Variants in CDK17 observed in about 807,000 individuals in gnomAD.
The protein encoded by CDK17 is cyclin dependent kinase 17, also known as cyclin-dependent kinase 17.
In CDK17, 24 loss-of-function variants were observed where a neutral mutation model predicts 77.6. The ratio of observed to expected loss-of-function variants is 0.31; its 90% CI spans 0.22 to 0.44. CDK17 has a LOEUF of 0.44. Ranked by LOEUF, CDK17 falls within the 20% of genes least tolerant of loss-of-function variation. The pLI is 1.00. For synonymous variants in CDK17, 203 were observed against 210.4 expected, an observed-to-expected ratio of 0.96 and a Z score of 0.30; for missense variants, 429 against 622.5, an observed-to-expected ratio of 0.69 and a Z score of 3.31.
chr12:96,305,437 T>C (rs767815881), intron 5 of CDK17, among the ~76,000 whole-genome samples: 1 of 152,236 alleles, frequency 6.6e-6, no homozygotes, highest in Non-Finnish European at 1.5e-5. Context: ...GGGTATGTGG[T>C]ATAGAAGAAC....
chr12:96,329,605 T>A (rs1952939180), intron 2 of CDK17, among the ~76,000 whole-genome samples: 1 of 152,220 alleles, frequency 6.6e-6, no homozygotes, highest in African/African-American at 2.4e-5. Flanking sequence ...CCTACATATA[T>A]CCAATGGAGT....
At chr12:96,316,148 C>T (rs972863239) in intron 3 of CDK17, among the ~76,000 whole-genome samples, 3 of 152,098 alleles carry the variant, frequency 2.0e-5, no homozygotes, top group African/African-American at 7.2e-5. Flanking sequence ...ACCTGGGAAG[C>T]GCAAGGGGTC....
At chr12:96,393,897 G>A (rs1954118853) in intron 1 of CDK17, among the ~76,000 whole-genome samples, 1 of 152,064 alleles carries the variant, frequency 6.6e-6, no homozygotes, top group Non-Finnish European at 1.5e-5. Flanking sequence ...CTAATTTAAA[G>A]AAGAGCAAGT....
chr12:96,383,725 C>T (rs948998905), intron 1 of CDK17, among the ~76,000 whole-genome samples: 2 of 152,078 alleles, frequency 1.3e-5, no homozygotes, highest in Admixed American at 1.3e-4. Flanking sequence ...TAGGCATACA[C>T]AGAAGAATGA....
In CDK17 at chr12:96,337,273, T is replaced by C. The variant is rs563445919; in HGVS notation, c.-29-2408A>G. Reference sequence around the variant, plus strand: ...CTCCATTCAACTTCCTCAGTCGTTTTTTGCTCATCTCTTATGCCTTGCTCA... The same window carrying C: ...CTCCATTCAACTTCCTCAGTCGTTTCTTGCTCATCTCTTATGCCTTGCTCA... On this transcript the variant is annotated intron_variant, in intron 1 of 16. Transcript: ENST00000261211. 2.0e-5 allele frequency among the ~76,000 whole-genome samples: 3 copies of C among 152,026 alleles called. No individual in the cohort carries two copies. In the East Asian group the frequency reaches 5.8e-4, roughly 29 times the overall value.
intron 2 of CDK17, 151 bp downstream of exon 2, chr12:96,334,568 G>C (rs1237154719): frequency 1.6e-5 from 9 of 557,578 alleles, no homozygotes; most frequent in African/African-American, 1.5e-4. Flanking sequence ...CCAAACAAAA[G>C]TTATATAGTC....
chr12:96,342,371 C>A (rs941578493), intron 1 of CDK17, among the ~76,000 whole-genome samples: 9 of 152,126 alleles, frequency 5.9e-5, no homozygotes, highest in Non-Finnish European at 1.3e-4. Context: ...TCATTAGAGA[C>A]AATGTTGTTA....
intron 1 of CDK17, among the ~76,000 whole-genome samples, chr12:96,347,987 G>A (rs1184889480): frequency 6.6e-6 from 1 of 151,962 alleles, no homozygotes; most frequent in African/African-American, 2.4e-5. Flanking sequence ...ATATAAAAAA[G>A]ACCCTCATGC....
At position 96,359,867 on chromosome 12, in the gene CDK17, G is replaced by A. The variant is rs530076034; in HGVS notation, c.-29-25002C>T. On this transcript the variant is annotated intron_variant, in intron 1 of 16. Transcript: ENST00000261211. ...TTGATAAGTACATAGAAATTTCAAA[G>A]AAATATTTACTTTTTCCTCTAAAAA... Among the ~76,000 whole-genome samples the A allele has an allele frequency of 3.9e-5, 6 of 152,160 alleles. No homozygotes were observed. In the East Asian group the frequency reaches 1.2e-3, roughly 29 times the overall value.
chr12:96,342,356 T>A (rs1198335556), intron 1 of CDK17, among the ~76,000 whole-genome samples: 1 of 152,234 alleles, frequency 6.6e-6, no homozygotes, highest in Non-Finnish European at 1.5e-5. Context: ...AAACTTAAAC[T>A]TTTTTCATTA....
chr12:96,292,472 G>A (rs1952338516), intron 10 of CDK17, among the ~76,000 whole-genome samples: 1 of 152,012 alleles, frequency 6.6e-6, no homozygotes, highest in Non-Finnish European at 1.5e-5. Flanking sequence ...TGGGCGTGGT[G>A]GGCACCCCTG....
intron 2 of CDK17, among the ~76,000 whole-genome samples, chr12:96,328,753 T>C (rs1386055796): frequency 6.6e-6 from 1 of 152,152 alleles, no homozygotes; most frequent in African/African-American, 2.4e-5. Flanking sequence ...CATTTAAATA[T>C]GAATCTAGAG....
intron 13 of CDK17, chr12:96,285,787 G>C (rs1041548860): frequency 9.0e-6 from 2 of 222,958 alleles, no homozygotes; most frequent in African/African-American, 2.3e-5. Flanking sequence ...TAATTCTGTA[G>C]AAAGCAAAAC....
chr12:96,349,213 G>C (rs1953273618), intron 1 of CDK17, among the ~76,000 whole-genome samples: 1 of 152,114 alleles, frequency 6.6e-6, no homozygotes, highest in African/African-American at 2.4e-5. Flanking sequence ...CAGAACTTTG[G>C]GAGGCTAAGG....
intron 3 of CDK17, among the ~76,000 whole-genome samples, chr12:96,317,449 G>GCCA (rs1236458977): frequency 8.8e-6 from 1 of 113,624 alleles, no homozygotes; most frequent in Non-Finnish European, 1.8e-5. Flanking sequence ...TACAGAGAAT[G>GCCA]CCACAAAGAT....
chr12:96,284,990 CCTGTGGATGCTGCAGT>C (rs1952228764), intron 13 of CDK17, among the ~76,000 whole-genome samples: 1 of 152,122 alleles, frequency 6.6e-6, no homozygotes, highest in Admixed American at 6.6e-5. Context: ...TCAAGTGGGT[CCTGTGGATGCTGCAGT>C]CTAGACATTC....
intron 5 of CDK17, among the ~76,000 whole-genome samples, chr12:96,305,086 GGGCAAGGAAGCT>G (rs1952560686): frequency 6.6e-6 from 1 of 152,190 alleles, no homozygotes; most frequent in African/African-American, 2.4e-5. Flanking sequence ...ATTATCGTAA[GGGCAAGGAAGCT>G]CTGATGAATC....
At chr12:96,348,531 AAAAAAAAAAAACAAAAAAG>A (rs1442079431) in intron 1 of CDK17, among the ~76,000 whole-genome samples, 4 of 151,152 alleles carry the variant, frequency 2.6e-5, no homozygotes, top group Non-Finnish European at 4.4e-5. Flanking sequence ...CTCAAAAAAA[AAAAAAAAAAAACAAAAAAG>A]AAAAAAAAAA....
chr12:96,285,601 TG>T (rs1952235577), intron 13 of CDK17: 1 of 152,454 alleles, frequency 6.6e-6, no homozygotes, highest in Non-Finnish European at 1.5e-5. Flanking sequence ...GAAACTTAAA[TG>T]AATGGCTGAC....
Sources: gnomAD v4.1 joint callset for allele counts (sites outside exome capture counted in the v4.1 genomes callset) on GRCh38, gnomAD v4.1.1 for gene constraint, MANE v1.5 for transcripts, NCBI Gene and HGNC (gene_info 2026-07-23, HGNC 2026-07-21) for gene names.